The following CDC42BPB variants were observed in gnomAD, a reference collection of about 807,000 sequenced individuals.
CDC42BPB encodes the protein serine/threonine-protein kinase MRCK beta.
CDC42BPB carries 37 observed loss-of-function variants against 214.9 expected under a neutral mutation model. That is an observed-to-expected ratio of 0.17 (90% CI 0.13 to 0.23). The LOEUF (loss-of-function observed/expected upper bound fraction) is 0.23, where lower values mean the gene tolerates loss of function less well. Among genes scored for constraint, CDC42BPB ranks in the 10% least tolerant of loss-of-function variants. The pLI is 1.00. For missense variants in CDC42BPB, 1,694 were observed against 2,227.0 expected (o/e 0.76, Z 4.82); for synonymous variants, 931 against 884.0 (o/e 1.05, Z -0.94).
Position 102,944,221 on chromosome 14 carries a change from T to C in CDC42BPB, c.4078A>G (p.Thr1360Ala). ...TTGAACTTTCTGTGGAATGGCTTCG[T>C]TCTCTGGATCTCATAGCAAAGGATC... is the stretch of plus-strand genomic sequence containing the variant. ...RLILCYEIQR[T>A]KPFHRKFNEI... The change falls in exon 30 of 37, where the codon ACG becomes GCG. Residue 1360 changes from threonine (T) to alanine (A), a missense_variant. This residue lies in a region of CDC42BPB where 567 missense variants were observed against 790.3 expected (regional missense o/e 0.72). Transcript: ENST00000361246. This position sits in a 1 kb window ranked among gnomAD's most constrained non-coding sequence, Gnocchi z 6.6. 6.2e-7 allele frequency: 1 copy of C among 1,613,302 alleles called. No homozygotes were observed. The highest frequency in any genetic ancestry group is 8.5e-7 in the Non-Finnish European group (1 of 1,180,030).
chr14:103,054,421 T>C (rs1215975187), intron 1 of CDC42BPB, among the ~76,000 whole-genome samples: 2 of 152,232 alleles, frequency 1.3e-5, no homozygotes, highest in African/African-American at 4.8e-5. Flanking sequence ...AACAGTCCAC[T>C]GATGGACAGC....
In CDC42BPB at chr14:103,004,196, C is replaced by T. The variant is rs1296342185; in HGVS notation, c.352-173G>A. On this transcript the variant is annotated intron_variant, in intron 3 of 36. Transcript: ENST00000361246. The surrounding 1 kb of genome is among the most constrained non-coding windows in gnomAD (Gnocchi z 5.3). ...GCTGAGGCTGAGCCATCCCTCATCC[C>T]TTCCTCTCCCAAGCCCCGTGCAAGT... is the stretch of plus-strand genomic sequence containing the variant. 5 of 1,359,722 alleles carry T rather than the reference C, an allele frequency of 3.7e-6. No homozygotes were observed. Among genetic ancestry groups the T allele is most frequent in the Non-Finnish European group, 4.7e-6 (5 of 1,053,470 alleles). The allele number at this position is 1,359,722 out of a possible 1,614,324, so 84.2% of individuals were successfully genotyped here. A position where few individuals can be genotyped will look rare whatever the true frequency, so the allele number is the denominator to read the frequency against.
intron 6 of CDC42BPB, among the ~76,000 whole-genome samples, chr14:102,985,129 CGTG>C (rs1894180968): frequency 1.4e-5 from 2 of 145,582 alleles, no homozygotes; most frequent in African/African-American, 5.2e-5. Flanking sequence ...CTGGTTATAC[CGTG>C]ACAGGGTGGT....
chr14:102,942,399 T>A (rs1337242024), intron 30 of CDC42BPB, among the ~76,000 whole-genome samples: 1 of 152,220 alleles, frequency 6.6e-6, no homozygotes, highest in Non-Finnish European at 1.5e-5. Flanking sequence ...GGGTTTAGCT[T>A]CAGGTAACTG....
intron 1 of CDC42BPB, among the ~76,000 whole-genome samples, chr14:103,042,532 C>G (rs557774765): frequency 6.6e-6 from 1 of 152,082 alleles, no homozygotes; most frequent in Admixed American, 6.6e-5. Context: ...GGATGGTCTC[C>G]ATCTCCTGAC....
chr14:102,974,281 TACACACACACACACACAC>T (rs71119749), intron 11 of CDC42BPB, 132 bp from the exon 12 acceptor site: 49 of 1,316,162 alleles, frequency 3.7e-5, no homozygotes, highest in South Asian at 2.5e-4. Context: ...TTTTTTTACT[TACACACACACACACACAC>T]ACACACACAC....
At chr14:103,028,070 T>C (rs1189608981) in intron 1 of CDC42BPB, among the ~76,000 whole-genome samples, 1 of 152,084 alleles carries the variant, frequency 6.6e-6, no homozygotes, top group Non-Finnish European at 1.5e-5. Flanking sequence ...GCAGAGGTTG[T>C]GATATGCTGA....
chr14:102,990,214 A>G (rs1894429864), intron 5 of CDC42BPB, among the ~76,000 whole-genome samples: 1 of 152,258 alleles, frequency 6.6e-6, no homozygotes, highest in South Asian at 2.1e-4. Flanking sequence ...TTTCAAATAA[A>G]TAACAACACT....
chr14:102,945,610 A>G, intron 29 of CDC42BPB, 52 bp downstream of exon 29: 1 of 1,520,376 alleles, frequency 6.6e-7, no homozygotes. Context: ...CTGTCTGCAG[A>G]GGCCAGGCTG....
intron 1 of CDC42BPB, among the ~76,000 whole-genome samples, chr14:103,053,718 C>T (rs965554597): frequency 1.7e-4 from 26 of 150,306 alleles, no homozygotes; most frequent in Non-Finnish European, 2.8e-4. Context: ...GCCGAGATCC[C>T]GCCACTGCAC....
At chr14:102,942,147 G>A (rs1391396641) in intron 30 of CDC42BPB, among the ~76,000 whole-genome samples, 1 of 152,230 alleles carries the variant, frequency 6.6e-6, no homozygotes, top group African/African-American at 2.4e-5. Flanking sequence ...TGGGGGGTAA[G>A]AGTCCAGGAC....
At chr14:102,942,437 G>T (rs1891938472) in intron 30 of CDC42BPB, among the ~76,000 whole-genome samples, 1 of 152,198 alleles carries the variant, frequency 6.6e-6, no homozygotes, top group Non-Finnish European at 1.5e-5. Flanking sequence ...CCAACTCTTG[G>T]CCTGTTACCC....
intron 5 of CDC42BPB, 21 bp downstream of exon 5, chr14:102,999,544 A>T (rs1405641878): frequency 6.2e-7 from 1 of 1,612,424 alleles, no homozygotes; most frequent in Non-Finnish European, 8.5e-7. Context: ...GTTTCCATAA[A>T]ATATATCAGA....
intron 1 of CDC42BPB, among the ~76,000 whole-genome samples, chr14:103,024,155 C>T (rs1311204659): frequency 2.6e-5 from 4 of 152,224 alleles, no homozygotes; most frequent in Non-Finnish European, 5.9e-5. Context: ...ACAGGAAGGA[C>T]GACGTGACAG....
intron 17 of CDC42BPB, 181 bp from the exon 18 acceptor site, chr14:102,966,568 CAT>C (rs1893212856): frequency 2.1e-6 from 2 of 964,402 alleles, no homozygotes; most frequent in Non-Finnish European, 2.5e-6. Flanking sequence ...TTACATTGCA[CAT>C]GACTGCAGTT....
intron 21 of CDC42BPB, among the ~76,000 whole-genome samples, chr14:102,955,113 G>A (rs751322006): frequency 6.6e-6 from 1 of 152,190 alleles, no homozygotes; most frequent in Non-Finnish European, 1.5e-5. Context: ...TGTTATCTAA[G>A]CCTAGCAGCC....
At chr14:102,967,376 A>T (rs1275626061) in intron 16 of CDC42BPB, 1 of 985,140 alleles carries the variant, frequency 1.0e-6, no homozygotes, top group East Asian at 1.1e-4. Context: ...AAACTGATGG[A>T]GCTGGAGCTA....
At chr14:102,946,396 A>C in intron 28 of CDC42BPB, 72 bp downstream of exon 28, 1 of 1,513,300 alleles carries the variant, frequency 6.6e-7, no homozygotes, top group Non-Finnish European at 9.1e-7. Flanking sequence ...TCTGATTTTC[A>C]GATGGGCACT....
Position 102,954,218 on chromosome 14 carries a change from G to C in CDC42BPB, c.3046C>G (p.Leu1016Val). The part of the protein sequence containing the change: ...SAVPLPTTQA[L>V]ALAGPKPKAH... ...CCTACCTTCGGTCCAGCCAGAGCCA[G>C]GGCCTGCGTGGTGGGCAACGGCACA... The change falls in exon 23 of 37, where the codon CTG becomes GTG. Residue 1016 changes from leucine to valine, a missense_variant. Around this residue, in one of 7 missense-constraint regions of CDC42BPB, gnomAD observed 156 missense variants for 154.5 expected, o/e 1.01. Transcript: ENST00000361246. 1 of 1,548,262 alleles carries C rather than the reference G, an allele frequency of 6.5e-7. No individual in the cohort carries two copies. The highest frequency in any genetic ancestry group is 1.4e-5 in the African/African-American group (1 of 72,916).
Sources: allele counts gnomAD v4.1 joint callset (sites outside exome capture counted in the v4.1 genomes callset), GRCh38; gene constraint gnomAD v4.1.1; regional missense constraint gnomAD v4.1.1; non-coding constraint Gnocchi (gnomAD v3.1); transcripts MANE v1.5; gene names NCBI Gene and HGNC (gene_info 2026-07-23, HGNC 2026-07-21).